Variants in COL5A2 observed in about 807,000 individuals in gnomAD.
The protein encoded by COL5A2 is collagen alpha-2(V) chain.
COL5A2 carries 23 observed loss-of-function variants against 208.2 expected under a neutral mutation model. That is an observed-to-expected ratio of 0.11 (90% CI 0.08 to 0.16). COL5A2 has a LOEUF of 0.16. Ranked by LOEUF, COL5A2 falls within the 10% of genes least tolerant of loss-of-function variation. The probability of loss-of-function intolerance (pLI) is 1.00; values close to 1 mark genes in which losing one functional copy is unlikely to be tolerated. For missense variants in COL5A2, 1,590 were observed against 1,956.4 expected, an observed-to-expected ratio of 0.81 and a Z score of 3.53; for synonymous variants, 625 against 628.5, an observed-to-expected ratio of 0.99 and a Z score of 0.08.
At chr2:189,125,067 G>A (rs188497814) in intron 1 of COL5A2, among the ~76,000 whole-genome samples, 14 of 152,022 alleles carry the variant, frequency 9.2e-5, no homozygotes, top group East Asian at 7.7e-4. Context: ...GGAATTTTAC[G>A]GGCTAAATAT....
the COL5A2 span, among the ~76,000 whole-genome samples, chr2:189,236,295 G>C: frequency 9.2e-5 from 14 of 151,600 alleles, no homozygotes; most frequent in Admixed American, 8.6e-4. Flanking sequence ...GAGTTGTCTT[G>C]GCAATATCTG....
intron 1 of COL5A2, among the ~76,000 whole-genome samples, chr2:189,219,053 C>A (rs72910392): frequency 0.012 from 1,873 of 152,274 alleles, 18 homozygotes; most frequent in Non-Finnish European, 0.02. Flanking sequence ...TCAGAGCAAA[C>A]AATCCACAAA....
At chr2:189,280,151 T>G in the COL5A2 span, among the ~76,000 whole-genome samples, 1 of 152,154 alleles carries the variant, frequency 6.6e-6, no homozygotes, top group South Asian at 2.1e-4. Context: ...GAATTTTTGG[T>G]GCGTATAAGT....
the COL5A2 span, among the ~76,000 whole-genome samples, chr2:189,309,547 C>T: frequency 6.6e-6 from 1 of 152,154 alleles, no homozygotes; most frequent in Admixed American, 6.5e-5. Context: ...GCCAACAAAC[C>T]ATGCACTTGA....
chr2:189,159,872 C>T (rs1194469233), intron 1 of COL5A2, among the ~76,000 whole-genome samples: 1 of 151,334 alleles, frequency 6.6e-6, no homozygotes, highest in African/African-American at 2.4e-5. Context: ...AGAGCGGGAC[C>T]CTGTCTCAAA....
At chr2:189,332,528 T>C in the COL5A2 span, among the ~76,000 whole-genome samples, 1 of 152,186 alleles carries the variant, frequency 6.6e-6, no homozygotes. Context: ...GAGCAGGTCT[T>C]TCTCATGCTG....
intron 1 of COL5A2, among the ~76,000 whole-genome samples, chr2:189,150,405 C>T (rs1183992705): frequency 6.6e-6 from 1 of 152,032 alleles, no homozygotes; most frequent in Non-Finnish European, 1.5e-5. Flanking sequence ...TATAAAAGTC[C>T]TTAGGACACA....
intron 46 of COL5A2, 122 bp from the exon 47 acceptor site, chr2:189,045,354 G>A (rs566168128): frequency 1.5e-6 from 1 of 655,428 alleles, no homozygotes; most frequent in East Asian, 2.7e-5. Flanking sequence ...GTGTGTGTGT[G>A]TGTGTGTGTG....
the COL5A2 span, among the ~76,000 whole-genome samples, chr2:189,402,466 G>A: frequency 5.3e-5 from 8 of 152,262 alleles, no homozygotes; most frequent in African/African-American, 9.6e-5. Context: ...TGATCCATCC[G>A]CCTCAGCCCC....
At chr2:189,153,944 C>T (rs945404099) in intron 1 of COL5A2, among the ~76,000 whole-genome samples, 10 of 152,078 alleles carry the variant, frequency 6.6e-5, no homozygotes, top group African/African-American at 1.9e-4. Flanking sequence ...TTCTGCATTG[C>T]CTTTGAATAA....
the COL5A2 span, among the ~76,000 whole-genome samples, chr2:189,286,958 C>A: frequency 6.6e-6 from 1 of 151,952 alleles, no homozygotes; most frequent in African/African-American, 2.4e-5. Flanking sequence ...TAAGAATGAA[C>A]ATCTACTTTG....
chr2:189,107,061 T>C (rs1008453403), intron 2 of COL5A2, among the ~76,000 whole-genome samples: 5 of 151,480 alleles, frequency 3.3e-5, no homozygotes, highest in African/African-American at 1.2e-4. Flanking sequence ...TTGCTGTAAA[T>C]AATATACTTC....
intron 1 of COL5A2, among the ~76,000 whole-genome samples, chr2:189,125,196 C>T (rs537206385): frequency 6.6e-6 from 1 of 152,156 alleles, no homozygotes; most frequent in Admixed American, 6.5e-5. Context: ...AGGTATGTAT[C>T]CACCAATAGA....
the COL5A2 span, among the ~76,000 whole-genome samples, chr2:189,247,656 T>G: frequency 6.6e-6 from 1 of 151,732 alleles, no homozygotes; most frequent in Non-Finnish European, 1.5e-5. Flanking sequence ...CTCAGCTCAC[T>G]GCAACCTCCA....
In COL5A2 at chr2:189,052,202, A is replaced by T; in HGVS notation, c.2739T>A (p.Ser913=). 6.2e-7 allele frequency: 1 copy of T among 1,613,946 alleles called. No homozygotes were observed. Among genetic ancestry groups the T allele is most frequent in the Non-Finnish European group, 8.5e-7 (1 of 1,179,876 alleles). Residue 913 remains serine (S), a synonymous_variant, in exon 41 of 54, where the codon TCT becomes TCA. Transcript: ENST00000374866. ...GGCCTGGAGGTCCAACTCTGCCCGC[A>T]GAACCAGGAAATCCTGTAGCACCCT... ...GPPGATGFPG[S]AGRVGPPGPA... is the part of the protein sequence containing the mutation.
chr2:189,227,754 T>G (rs549256050), upstream of COL5A2, among the ~76,000 whole-genome samples: 2 of 151,790 alleles, frequency 1.3e-5, no homozygotes, highest in African/African-American at 2.4e-5. Context: ...ACACCAACAA[T>G]ATAAAGTAGG....
Position 189,036,803 on chromosome 2 carries a change from C to T in COL5A2, c.3926G>A (p.Gly1309Asp), listed in dbSNP as rs863223497. ...TTGGTTAGGATCAATCCAGTATTCA[C>T]CTATTTTTCAAAATAGAAATTTTAC... ...LKLCHSAKQS[G>D]EYWIDPNQGS... Residue 1309 changes from glycine (G) to aspartate (D), a missense_variant and splice_region_variant, in exon 52 of 54, where the codon GGT becomes GAT. Transcript: ENST00000374866. 2 of 1,608,336 alleles carry T rather than the reference C, an allele frequency of 1.2e-6. No individual in the cohort carries two copies. Among genetic ancestry groups the T allele is most frequent in the Non-Finnish European group, 1.7e-6 (2 of 1,176,008 alleles).
At chr2:189,251,478 A>G in the COL5A2 span, among the ~76,000 whole-genome samples, 5 of 152,186 alleles carry the variant, frequency 3.3e-5, no homozygotes, top group African/African-American at 1.2e-4. Flanking sequence ...TAACCCTTCT[A>G]AAGAACCATC....
chr2:189,199,716 T>A (rs1333309948), intron 1 of COL5A2, among the ~76,000 whole-genome samples: 4 of 152,190 alleles, frequency 2.6e-5, no homozygotes, highest in African/African-American at 7.2e-5. Flanking sequence ...TAAAAGCCTG[T>A]ACAATTCAAA....
Sources: gnomAD v4.1 joint callset for allele counts (sites outside exome capture counted in the v4.1 genomes callset) on GRCh38, gnomAD v4.1.1 for gene constraint, MANE v1.5 for transcripts, NCBI Gene and HGNC (gene_info 2026-07-23, HGNC 2026-07-21) for gene names.